CRTC3: variants seen among roughly 807,000 people sequenced by gnomAD.
CRTC3 encodes the protein CREB-regulated transcription coactivator 3.
A neutral mutation model predicts 74.5 loss-of-function variants in CRTC3; 26 were observed. That is an observed-to-expected ratio of 0.35 (90% CI 0.26 to 0.48). The LOEUF (loss-of-function observed/expected upper bound fraction) is 0.48. Among genes scored for constraint, CRTC3 ranks in the 20% least tolerant of loss-of-function variants. The pLI is 0.99. For missense variants in CRTC3, 760 were observed against 787.3 expected, an observed-to-expected ratio of 0.97 and a Z score of 0.41; for synonymous variants, 377 against 325.8, an observed-to-expected ratio of 1.16 and a Z score of -1.69.
intron 1 of CRTC3, 39 bp from the exon 2 acceptor site, chr15:90,540,000 C>A (rs1966777485): frequency 1.5e-6 from 2 of 1,312,512 alleles, no homozygotes; most frequent in Non-Finnish European, 2.2e-6. Context: ...TAGATCTTTG[C>A]TGTTACCTCT....
At chr15:90,542,807 C>T (rs1380361665) in intron 2 of CRTC3, among the ~76,000 whole-genome samples, 1 of 152,168 alleles carries the variant, frequency 6.6e-6, no homozygotes, top group East Asian at 1.9e-4. Flanking sequence ...GTGATCCTGT[C>T]ACATTTGAAG....
At chr15:90,626,296 G>A (rs1968832446) in intron 10 of CRTC3, among the ~76,000 whole-genome samples, 2 of 152,324 alleles carry the variant, frequency 1.3e-5, no homozygotes, top group South Asian at 4.1e-4. Context: ...CGTGTTGGCT[G>A]AACAGTATTA....
At chr15:90,598,756 T>G in intron 3 of CRTC3, 1 of 546,462 alleles carries the variant, frequency 1.8e-6, no homozygotes, top group African/African-American at 1.9e-5. Context: ...AAAGAACTGT[T>G]GGGAGCTGGA....
intron 2 of CRTC3, among the ~76,000 whole-genome samples, chr15:90,562,950 G>A (rs1437243000): frequency 6.6e-6 from 1 of 152,134 alleles, no homozygotes; most frequent in African/African-American, 2.4e-5. Flanking sequence ...GTGGCTGCTG[G>A]GCACTGGCCA....
Position 90,638,580 on chromosome 15 carries a change from C to A in CRTC3, c.1401C>A (p.Ala467=). ...PLLQQPRAPE[A]PAQQPQAASS... ...TGCAGCAGCCCCGCGCCCCTGAGGC[C>A]CCTGCCCAGCAGCCCCAGGCAGCCT... is the stretch of plus-strand genomic sequence containing the variant. The change falls in exon 12 of 15, where the codon GCC becomes GCA. Residue 467 remains alanine (A), a synonymous_variant. Transcript: ENST00000268184. The A allele has an allele frequency of 1.2e-6, 2 of 1,613,064 alleles. No individual in the cohort carries two copies. The highest frequency in any genetic ancestry group is 2.2e-5 in the South Asian group (2 of 91,070).
chr15:90,586,995 T>C (rs182212035), intron 2 of CRTC3, among the ~76,000 whole-genome samples: 61 of 152,388 alleles, frequency 4.0e-4, no homozygotes, highest in Non-Finnish European at 7.5e-4. Flanking sequence ...GGTTTACCAG[T>C]CAAGTAAGAT....
chr15:90,531,884 G>T (rs1966633186), intron 1 of CRTC3, among the ~76,000 whole-genome samples: 1 of 152,046 alleles, frequency 6.6e-6, no homozygotes. Flanking sequence ...TGACAGGTGA[G>T]GCCATGAGTA....
intron 3 of CRTC3, chr15:90,598,746 A>G: frequency 1.8e-6 from 1 of 559,962 alleles, no homozygotes; most frequent in Non-Finnish European, 3.2e-6. Flanking sequence ...GGAGTTCACA[A>G]AAGAACTGTT....
At chr15:90,585,364 C>G (rs914953250) in intron 2 of CRTC3, among the ~76,000 whole-genome samples, 11 of 152,136 alleles carry the variant, frequency 7.2e-5, no homozygotes, top group African/African-American at 2.2e-4. Flanking sequence ...AGGCTGGTCT[C>G]GAACTCCTGG....
chr15:90,636,341 A>G (rs1418837450), intron 11 of CRTC3, among the ~76,000 whole-genome samples: 5 of 145,004 alleles, frequency 3.4e-5, no homozygotes, highest in Non-Finnish European at 7.7e-5. Context: ...TGCTGGGAAA[A>G]CTGGCTAGCC....
chr15:90,615,477 G>A (rs749276168), intron 7 of CRTC3, among the ~76,000 whole-genome samples: 13 of 152,256 alleles, frequency 8.5e-5, no homozygotes, highest in Non-Finnish European at 1.5e-4. Context: ...AAGACGCACA[G>A]CTCTCTGTCA....
At chr15:90,575,077 C>T (rs1967371609) in intron 2 of CRTC3, among the ~76,000 whole-genome samples, 1 of 152,084 alleles carries the variant, frequency 6.6e-6, no homozygotes, top group South Asian at 2.1e-4. Flanking sequence ...TGGCTGGATG[C>T]AGTGGCTCAC....
intron 2 of CRTC3, among the ~76,000 whole-genome samples, chr15:90,570,555 T>G (rs1051216327): frequency 6.6e-5 from 10 of 152,142 alleles, no homozygotes; most frequent in Non-Finnish European, 1.5e-4. Context: ...ATGATTTTTT[T>G]GGGGAAAGAA....
chr15:90,579,346 G>A (rs1214803270), intron 2 of CRTC3, among the ~76,000 whole-genome samples: 1 of 152,148 alleles, frequency 6.6e-6, no homozygotes, highest in Non-Finnish European at 1.5e-5. Context: ...CTTCCCCACT[G>A]GGGACCGACA....
At chr15:90,588,600 A>G (rs6496697) in intron 2 of CRTC3, among the ~76,000 whole-genome samples, 131,075 of 152,104 alleles carry the variant, frequency 0.86, 56,823 homozygotes, top group Middle Eastern at 0.93. Flanking sequence ...CACATGGGCC[A>G]GTCAACTTTT....
Position 90,590,997 on chromosome 15 carries a change from C to T in CRTC3, c.232-2639C>T, listed in dbSNP as rs561205996. Among the ~76,000 whole-genome samples the T allele has an allele frequency of 2.6e-5, 4 of 152,270 alleles. No homozygotes were observed. In the East Asian group the frequency reaches 5.8e-4, roughly 22 times the overall value. On this transcript the variant is annotated intron_variant, in intron 2 of 14. Coordinates refer to ENST00000268184, the MANE Select transcript of CRTC3 (RefSeq NM_022769.5). ...AGAGACAAGGTCTTGCTCTGTTGCT[C>T]AGGCTGGAGTGCGGTGGTGTGATCA... is the stretch of plus-strand genomic sequence containing the variant.
At chr15:90,637,154 C>T (rs1343051592) in intron 11 of CRTC3, among the ~76,000 whole-genome samples, 1 of 152,178 alleles carries the variant, frequency 6.6e-6, no homozygotes, top group Admixed American at 6.5e-5. Context: ...GGAACCAAGC[C>T]AGATGTCCAA....
At chr15:90,622,983 G>A (rs893676394) in intron 9 of CRTC3, among the ~76,000 whole-genome samples, 13 of 151,930 alleles carry the variant, frequency 8.6e-5, no homozygotes, top group African/African-American at 3.1e-4. Context: ...TCCACAGTTC[G>A]CCCAGTCCTA....
chr15:90,568,924 T>C (rs1336327600), intron 2 of CRTC3, among the ~76,000 whole-genome samples: 1 of 152,150 alleles, frequency 6.6e-6, no homozygotes, highest in African/African-American at 2.4e-5. Flanking sequence ...AAAGTGTATA[T>C]ATTTTTCATG....
Sources: allele counts gnomAD v4.1 joint callset (sites outside exome capture counted in the v4.1 genomes callset), GRCh38; gene constraint gnomAD v4.1.1; transcripts MANE v1.5; gene names NCBI Gene and HGNC (gene_info 2026-07-23, HGNC 2026-07-21).